Variants in JUP observed in about 807,000 individuals in gnomAD.
JUP encodes the protein catenin (cadherin-associated protein), gamma 80kDa.
JUP carries 28 observed loss-of-function variants against 71.1 expected under a neutral mutation model. The observed-to-expected ratio is 0.39, with a 90% CI of 0.29 to 0.54. The LOEUF (loss-of-function observed/expected upper bound fraction) is 0.54, where lower values mean the gene tolerates loss of function less well. JUP is among the 20% of genes least tolerant of loss of function. JUP has a pLI of 0.62. For missense variants in JUP, 869 were observed against 1,030.1 expected, an observed-to-expected ratio of 0.84 and a Z score of 2.14; for synonymous variants, 401 against 438.9, an observed-to-expected ratio of 0.91 and a Z score of 1.08.
At chr17:41,777,583 G>A (rs1320869113) in intron 1 of JUP, among the ~76,000 whole-genome samples, 1 of 152,216 alleles carries the variant, frequency 6.6e-6, no homozygotes, top group Non-Finnish European at 1.5e-5. Flanking sequence ...TCAGCAAGCT[G>A]GTCCATTCCA....
chr17:41,759,540 G>A (rs1914465088), intron 8 of JUP, among the ~76,000 whole-genome samples: 1 of 151,014 alleles, frequency 6.6e-6, no homozygotes, highest in Admixed American at 6.6e-5. Context: ...TGATTCTCAG[G>A]AATTCTGTGC....
Position 41,771,727 on chromosome 17 carries a change from A to T in JUP, c.128T>A (p.Met43Lys), listed in dbSNP as rs1916678120. The change falls in exon 2 of 14, where the codon ATG becomes AAG. Residue 43 changes from methionine (M) to lysine (K), a missense_variant. By Grantham distance (95) the Met-to-Lys change is moderately conservative (BLOSUM62 -1). Transcript: ENST00000393931. ...CVPSVSSKGIMEEDEACGRQY... is the reference protein window; with the variant it reads ...CVPSVSSKGIKEEDEACGRQY... ...GCGCCCGCAGGCCTCATCCTCCTCC[A>T]TGATGCCCTTGCTGCTGACGGAGGG... The T allele has an allele frequency of 6.2e-7, 1 of 1,614,002 alleles. No homozygotes were observed. The highest frequency in any genetic ancestry group is 1.3e-5 in the African/African-American group (1 of 74,888).
At chr17:41,757,302 T>C in intron 12 of JUP, 113 bp downstream of exon 12, 1 of 1,211,228 alleles carries the variant, frequency 8.3e-7, no homozygotes, top group Non-Finnish European at 1.2e-6. Context: ...ATGATCCAAT[T>C]ACAAAATAAA....
At chr17:41,757,573 C>G (rs782390265) in intron 11 of JUP, 37 bp from the exon 12 acceptor site, 2 of 1,614,100 alleles carry the variant, frequency 1.2e-6, no homozygotes, top group Non-Finnish European at 1.7e-6. Flanking sequence ...GGTTAAACGT[C>G]GGCCAGCCTC....
intron 5 of JUP, 52 bp downstream of exon 5, chr17:41,767,327 A>C: frequency 6.7e-7 from 1 of 1,501,246 alleles, no homozygotes. Flanking sequence ...TGCAGGATAG[A>C]AGATGGCGCA....
chr17:41,769,236 T>G (rs781848759), intron 3 of JUP, 29 bp from the exon 4 acceptor site: 12 of 1,592,900 alleles, frequency 7.5e-6, no homozygotes, highest in Non-Finnish European at 9.4e-6. Context: ...GGCGGGGACG[T>G]GAGCACTAAG....
intron 8 of JUP, among the ~76,000 whole-genome samples, chr17:41,760,578 C>G (rs1914652816): frequency 7.0e-6 from 1 of 142,152 alleles, no homozygotes; most frequent in African/African-American, 2.6e-5. Context: ...TTTTTGTTTT[C>G]CAAGACGGAG....
intron 2 of JUP, 120 bp from the exon 3 acceptor site, chr17:41,769,797 C>T (rs1916349458): frequency 3.5e-6 from 4 of 1,133,262 alleles, no homozygotes; most frequent in Admixed American, 4.7e-5. Context: ...CCTGCCCAAA[C>T]CCCCAGCACA....
intron 1 of JUP, among the ~76,000 whole-genome samples, chr17:41,773,359 A>G (rs1218657488): frequency 1.3e-5 from 2 of 152,168 alleles, no homozygotes; most frequent in African/African-American, 2.4e-5. Context: ...CCAGCCTTTT[A>G]TGGCAGGCAG....
At chr17:41,760,077 T>A (rs1914546712) in intron 8 of JUP, among the ~76,000 whole-genome samples, 1 of 151,128 alleles carries the variant, frequency 6.6e-6, no homozygotes, top group African/African-American at 2.4e-5. Context: ...AGCCGGGAAT[T>A]GCTTGAACCT....
rs1254562218 is a variant in JUP at position 41,772,980 on chromosome 17, T to G, written c.-8-1118A>C. On this transcript the variant is annotated intron_variant, in intron 1 of 13. Transcript: ENST00000393931. The stretch of plus-strand genomic sequence containing the variant: ...ATGAGGGCCTACTACGAGCCAGACC[T>G]TTCACAGACACCGTCATGCTCATGG... 3.0e-6 allele frequency: 3 copies of G among 985,408 alleles called. No individual in the cohort carries two copies. The African/African-American group carries it at 5.2e-5, about 17-fold the overall frequency. The allele number at this position is 985,408 out of a possible 1,614,324, so 61.0% of individuals were successfully genotyped here. A position where few individuals can be genotyped will look rare whatever the true frequency, so the allele number is the denominator to read the frequency against.
intron 4 of JUP, among the ~76,000 whole-genome samples, chr17:41,768,111 A>C (rs1916008914): frequency 6.6e-6 from 1 of 152,068 alleles, no homozygotes; most frequent in Non-Finnish European, 1.5e-5. Context: ...TAAAAATACA[A>C]AATTGAGCTG....
Position 41,763,619 on chromosome 17 carries a change from C to T in JUP, c.1159-298G>A, listed in dbSNP as rs566623700. ...CATCTCTTCCCTCCAACTCATCAGC[C>T]TTTCCCTGGGGCCCTCAGACCCAGG... On this transcript the variant is annotated intron_variant, in intron 7 of 13. Coordinates refer to ENST00000393931, the MANE Select transcript of JUP (RefSeq NM_002230.4). Among the ~76,000 whole-genome samples the T allele has an allele frequency of 4.6e-5, 7 of 152,282 alleles. No individual in the cohort carries two copies. The East Asian group carries it at 1.2e-3, about 25-fold the overall frequency.
At position 41,755,523 on chromosome 17, in the gene JUP, C is replaced by T; in HGVS notation, c.*221G>A. ...GCCACTCCGTGTCACCTGCCCACCACCCCCAGAAGGGGCCAGCAGGAATAG... is the reference window on the plus strand; with the variant it reads ...GCCACTCCGTGTCACCTGCCCACCATCCCCAGAAGGGGCCAGCAGGAATAG... On this transcript the variant is annotated 3_prime_UTR_variant, in exon 14 of 14. Coordinates refer to ENST00000393931, the MANE Select transcript of JUP (RefSeq NM_002230.4). 1 of 465,748 alleles carries T rather than the reference C, an allele frequency of 2.1e-6. No individual in the cohort carries two copies. 28.9% of individuals were successfully genotyped at this position (465,748 alleles called of 1,614,324 possible).
At chr17:41,783,718 A>G (rs72835674) in intron 1 of JUP, among the ~76,000 whole-genome samples, 59,256 of 151,450 alleles carry the variant, frequency 0.39, 12,262 homozygotes, top group African/African-American at 0.51. Flanking sequence ...CAGGAGATCA[A>G]GACCAGCCTG....
chr17:41,757,511 G>C lies in JUP; in HGVS notation c.1950C>G (p.Phe650Leu). ...GTATYAAAVL[F>L]RISEDKNPDY... The stretch of plus-strand genomic sequence containing the variant: ...CTGGGTTCTTGTCCTCGGAGATGCG[G>C]AACAGGACGGCAGCAGCGTAGGTGG... Residue 650 changes from phenylalanine (F) to leucine (L), a missense_variant, in exon 12 of 14, where the codon TTC becomes TTG. Phe to Leu is a conservative substitution (Grantham distance 22). Transcript: ENST00000393931. The C allele has an allele frequency of 1.9e-6, 3 of 1,614,214 alleles. No individual in the cohort carries two copies. The highest frequency in any genetic ancestry group is 2.2e-5 in the South Asian group (2 of 91,084).
chr17:41,772,235 C>T (rs1916784788), intron 1 of JUP: 4 of 365,138 alleles, frequency 1.1e-5, no homozygotes, highest in Non-Finnish European at 2.1e-5. Context: ...AGAGAAGGCA[C>T]TCAGGGCTTC....
intron 2 of JUP, among the ~76,000 whole-genome samples, chr17:41,770,611 C>T (rs1916501494): frequency 6.6e-6 from 1 of 152,186 alleles, no homozygotes; most frequent in African/African-American, 2.4e-5. Context: ...CAGCCACAGT[C>T]TACTCACACT....
intron 5 of JUP, among the ~76,000 whole-genome samples, chr17:41,766,060 G>A (rs1025394168): frequency 6.6e-6 from 1 of 152,120 alleles, no homozygotes; most frequent in Non-Finnish European, 1.5e-5. Flanking sequence ...GGGCAACAGA[G>A]CAAGACACCA....
Sources: gnomAD v4.1 joint callset for allele counts (sites outside exome capture counted in the v4.1 genomes callset) on GRCh38, gnomAD v4.1.1 for gene constraint, MANE v1.5 for transcripts, NCBI Gene and HGNC (gene_info 2026-07-23, HGNC 2026-07-21) for gene names.